The following ODAD2 variants were observed in gnomAD, a reference collection of about 807,000 sequenced individuals.
The protein encoded by ODAD2 is outer dynein arm-docking complex subunit 2.
A neutral mutation model predicts 106.8 loss-of-function variants in ODAD2; 89 were observed. The observed-to-expected ratio is 0.83, with a 90% CI of 0.70 to 0.99. The LOEUF is 0.99. Among genes scored for constraint, ODAD2 ranks in the 50% least tolerant of loss-of-function variants. The probability of loss-of-function intolerance (pLI) is 0.00; values close to 1 mark genes in which losing one functional copy is unlikely to be tolerated. For missense variants in ODAD2, 1,168 were observed against 1,238.5 expected, an observed-to-expected ratio of 0.94 and a Z score of 0.85; for synonymous variants, 404 against 436.2, an observed-to-expected ratio of 0.93 and a Z score of 0.92.
chr10:27,951,782 A>G (rs1847343824), intron 10 of ODAD2, among the ~76,000 whole-genome samples: 1 of 152,146 alleles, frequency 6.6e-6, no homozygotes, highest in South Asian at 2.1e-4. Flanking sequence ...AGAGTAGACA[A>G]AAAGACATCC....
intron 16 of ODAD2, among the ~76,000 whole-genome samples, chr10:27,926,198 C>T (rs182429487): frequency 6.6e-6 from 1 of 152,166 alleles, no homozygotes; most frequent in Non-Finnish European, 1.5e-5. Context: ...ATGGTAACTA[C>T]ATTCTAATAA....
intron 16 of ODAD2, among the ~76,000 whole-genome samples, chr10:27,931,562 C>G (rs1845622716): frequency 6.6e-6 from 1 of 150,780 alleles, no homozygotes; most frequent in Non-Finnish European, 1.5e-5. Flanking sequence ...TTTATTGTTT[C>G]AAAACTTGAT....
chr10:27,813,289 C>G (rs1055390750), intron 19 of ODAD2: 2 of 152,308 alleles, frequency 1.3e-5, no homozygotes, highest in Middle Eastern at 6.8e-3. Flanking sequence ...AACTTTTCCA[C>G]GAAGCCTCCA....
At chr10:27,939,555 C>A (rs1294548709) in intron 14 of ODAD2, among the ~76,000 whole-genome samples, 1 of 151,866 alleles carries the variant, frequency 6.6e-6, no homozygotes, top group African/African-American at 2.4e-5. Flanking sequence ...ATAACTCCAT[C>A]TCTACCAAAA....
intron 16 of ODAD2, among the ~76,000 whole-genome samples, chr10:27,908,019 C>T (rs1392683680): frequency 6.6e-6 from 1 of 151,840 alleles, no homozygotes; most frequent in African/African-American, 2.4e-5. Context: ...TTCACATAAA[C>T]TGAAAATCAA....
chr10:27,868,833 GAATAA>G (rs1477908367), intron 17 of ODAD2, among the ~76,000 whole-genome samples: 2 of 151,084 alleles, frequency 1.3e-5, no homozygotes, highest in African/African-American at 4.9e-5. Context: ...TTGGAACTTA[GAATAA>G]AATAAAATAA....
At chr10:27,984,356 A>T in intron 4 of ODAD2, 66 bp from the exon 5 acceptor site, 1 of 1,022,660 alleles carries the variant, frequency 9.8e-7, no homozygotes, top group Middle Eastern at 2.1e-4. Context: ...ACATGAACAC[A>T]TTTCATTGTA....
intron 16 of ODAD2, among the ~76,000 whole-genome samples, chr10:27,924,004 A>AGAGAG (rs1845008936): frequency 7.6e-6 from 1 of 130,720 alleles, no homozygotes; most frequent in African/African-American, 2.9e-5. Context: ...GAAAGAAAGA[A>AGAGAG]AGAAAGAAAG....
intron 16 of ODAD2, among the ~76,000 whole-genome samples, chr10:27,909,817 G>GAAAAAAAAAAAAAA (rs35449629): frequency 1.8e-5 from 1 of 56,386 alleles, no homozygotes; most frequent in Non-Finnish European, 3.3e-5. Context: ...GTCTTCATTT[G>GAAAAAAAAAAAAAA]AAAAAAAAAA....
chr10:27,908,847 GA>G (rs1411924585), intron 16 of ODAD2, among the ~76,000 whole-genome samples: 1 of 151,832 alleles, frequency 6.6e-6, no homozygotes, highest in Non-Finnish European at 1.5e-5. Context: ...AAAGAGCATT[GA>G]AAAAAACTGG....
intron 16 of ODAD2, among the ~76,000 whole-genome samples, chr10:27,932,391 A>G (rs1354103081): frequency 6.6e-6 from 1 of 152,216 alleles, no homozygotes; most frequent in Non-Finnish European, 1.5e-5. Flanking sequence ...TTTTTGCACC[A>G]TCAAATATTA....
intron 10 of ODAD2, among the ~76,000 whole-genome samples, chr10:27,945,711 A>G (rs1216917017): frequency 6.6e-6 from 1 of 152,248 alleles, no homozygotes; most frequent in African/African-American, 2.4e-5. Context: ...GATTAAAATC[A>G]GAATTCACTG....
At chr10:27,835,619 A>G (rs1216585019) in intron 19 of ODAD2, among the ~76,000 whole-genome samples, 1 of 151,950 alleles carries the variant, frequency 6.6e-6, no homozygotes, top group African/African-American at 2.4e-5. Flanking sequence ...TAACATAAAC[A>G]GTCGATCAAC....
chr10:27,840,315 T>C (rs1838213707), intron 19 of ODAD2, among the ~76,000 whole-genome samples: 2 of 152,220 alleles, frequency 1.3e-5, no homozygotes, highest in African/African-American at 2.4e-5. Context: ...TGACAAAAGA[T>C]AGTGAATATC....
At chr10:27,838,390 T>A (rs993377905) in intron 19 of ODAD2, among the ~76,000 whole-genome samples, 1 of 152,244 alleles carries the variant, frequency 6.6e-6, no homozygotes, top group African/African-American at 2.4e-5. Flanking sequence ...CCAATTAATA[T>A]AATGGATTTT....
chr10:27,985,739 T>C (rs1849838004), intron 3 of ODAD2, among the ~76,000 whole-genome samples: 1 of 151,740 alleles, frequency 6.6e-6, no homozygotes, highest in Admixed American at 6.6e-5. Context: ...TGCAATGCCA[T>C]ATGATCTTAG....
chr10:27,981,351 A>G, intron 7 of ODAD2, 115 bp downstream of exon 7: 1 of 935,104 alleles, frequency 1.1e-6, no homozygotes, highest in South Asian at 2.4e-5. Context: ...AAAAAAAACC[A>G]CTAATAATAA....
chr10:27,940,125 T>C, intron 13 of ODAD2, 118 bp from the exon 14 acceptor site: 1 of 641,766 alleles, frequency 1.6e-6, no homozygotes, highest in Non-Finnish European at 2.6e-6. Context: ...TAGTCCAAGC[T>C]TAACATATCC....
intron 19 of ODAD2, among the ~76,000 whole-genome samples, chr10:27,832,949 G>A (rs1367667704): frequency 6.6e-6 from 1 of 152,056 alleles, no homozygotes; most frequent in African/African-American, 2.4e-5. Flanking sequence ...TAGTAAAGTC[G>A]AAGGATATAT....
Sources: allele counts gnomAD v4.1 joint callset (sites outside exome capture counted in the v4.1 genomes callset), GRCh38; gene constraint gnomAD v4.1.1; transcripts MANE v1.5; gene names NCBI Gene and HGNC (gene_info 2026-07-23, HGNC 2026-07-21).